Variants in MBTD1 observed in about 807,000 individuals in gnomAD.
The protein encoded by MBTD1 is mbt domain containing 1.
In MBTD1, 24 loss-of-function variants were observed where a neutral mutation model predicts 87.8. The observed-to-expected ratio is 0.27, with a 90% CI of 0.20 to 0.38. The LOEUF is 0.38. Ranked by LOEUF, MBTD1 falls within the 10% of genes least tolerant of loss-of-function variation. The pLI is 1.00. For synonymous variants in MBTD1, 237 were observed against 248.6 expected, an observed-to-expected ratio of 0.95 and a Z score of 0.44; for missense variants, 436 against 760.2, an observed-to-expected ratio of 0.57 and a Z score of 5.02.
Position 51,203,229 on chromosome 17 carries a change from C to A in MBTD1, c.740-1G>T. 6.8e-7 allele frequency: 1 copy of A among 1,467,650 alleles called. No individual in the cohort carries two copies. 90.9% of individuals were successfully genotyped at this position (1,467,650 alleles called of 1,614,324 possible). A position where few individuals can be genotyped will look rare whatever the true frequency, so the allele number is the denominator to read the frequency against. On this transcript the variant is annotated splice_acceptor_variant, in intron 8 of 16. Transcript: ENST00000586178. LOFTEE classifies it high-confidence loss of function. ...CAGTTTGTATATTTATGCTGAATAG[C>A]TAAAATAGAAGAAATAATCAGTTAT... is the stretch of plus-strand genomic sequence containing the variant.
intron 11 of MBTD1, 135 bp downstream of exon 11, chr17:51,201,887 A>T (rs2051513476): frequency 7.0e-6 from 5 of 709,352 alleles, no homozygotes; most frequent in South Asian, 6.6e-5. Context: ...AAGAGTTGTG[A>T]CACCTATGAA....
Position 51,192,962 on chromosome 17 carries a change from T to C in MBTD1, c.1510A>G (p.Met504Val). 2.5e-6 allele frequency: 4 copies of C among 1,614,018 alleles called. No individual in the cohort carries two copies. Among genetic ancestry groups the C allele is most frequent in the Non-Finnish European group, 3.4e-6 (4 of 1,179,898 alleles). The change falls in exon 15 of 17, where the codon ATG becomes GTG. Residue 504 changes from methionine to valine, a missense_variant. Coordinates refer to ENST00000586178, the MANE Select transcript of MBTD1 (RefSeq NM_017643.3). ...GCTACACATATTAAACGTGGCTCCA[T>C]GAGATCTACTGCTTCTAATTTCATT... ...VGMKLEAVDL[M>V]EPRLICVATV...
chr17:51,222,392 GTTT>G (rs1005015450), intron 3 of MBTD1, among the ~76,000 whole-genome samples: 4 of 151,566 alleles, frequency 2.6e-5, no homozygotes, highest in African/African-American at 9.8e-5. Flanking sequence ...GACACGGGTA[GTTT>G]TTTTGTTTTG....
intron 6 of MBTD1, among the ~76,000 whole-genome samples, 194 bp from the exon 7 acceptor site, chr17:51,207,199 A>G: frequency 6.6e-6 from 1 of 152,228 alleles, no homozygotes. Flanking sequence ...ATTCACATAT[A>G]TTAGACTAGA....
Position 51,179,490 on chromosome 17 carries a change from A to ATATATATATATATATTTT in MBTD1, c.*1085_*1086insAAAATATATATATATATA, listed in dbSNP as rs1568135584. On this transcript the variant is annotated 3_prime_UTR_variant, in exon 17 of 17. Transcript: ENST00000586178. The stretch of plus-strand genomic sequence containing the variant: ...AATACAATTAAAGACAATTTTATAT[A>ATATATATATATATATTTT]TATATATATATATATATATATATAT... 7.2e-4 allele frequency: 17 copies of ATATATATATATATATTTT among 23,532 alleles called. 1 individual carries two copies. Among genetic ancestry groups the ATATATATATATATATTTT allele is most frequent in the Non-Finnish European group, 1.4e-3 (16 of 11,150 alleles). 1.5% of individuals were successfully genotyped at this position (23,532 alleles called of 1,614,324 possible).
chr17:51,235,561 A>C (rs917086487), intron 2 of MBTD1, among the ~76,000 whole-genome samples: 2 of 152,220 alleles, frequency 1.3e-5, no homozygotes, highest in Non-Finnish European at 2.9e-5. Flanking sequence ...AAAATCAATA[A>C]ATTCACCGCA....
intron 2 of MBTD1, among the ~76,000 whole-genome samples, chr17:51,234,349 C>T (rs1568217604): frequency 6.8e-6 from 1 of 146,088 alleles, no homozygotes; most frequent in Non-Finnish European, 1.5e-5. Flanking sequence ...GCTGAGATTG[C>T]ACCACTGCAC....
At chr17:51,246,144 G>C (rs75848372) in intron 2 of MBTD1, among the ~76,000 whole-genome samples, 2,774 of 152,244 alleles carry the variant, frequency 0.018, 102 homozygotes, top group African/African-American at 0.063. Context: ...TTCAGATTTT[G>C]GAATATGTGC....
intron 2 of MBTD1, among the ~76,000 whole-genome samples, chr17:51,231,317 A>G (rs1429671349): frequency 6.6e-6 from 1 of 152,158 alleles, no homozygotes; most frequent in Non-Finnish European, 1.5e-5. Flanking sequence ...ATGTAAGATT[A>G]TTGACCCTTA....
intron 16 of MBTD1, among the ~76,000 whole-genome samples, chr17:51,187,869 A>AG (rs565958953): frequency 6.6e-5 from 10 of 151,388 alleles, no homozygotes; most frequent in East Asian, 3.9e-4. Context: ...AAAGAAAGAA[A>AG]AAAAAAAAAA....
intron 15 of MBTD1, 105 bp from the exon 16 acceptor site, chr17:51,192,385 T>C: frequency 1.3e-6 from 1 of 778,036 alleles, no homozygotes; most frequent in South Asian, 1.7e-5. Context: ...AAGACCATTA[T>C]ACTTAAGTAC....
chr17:51,221,900 A>G (rs2052918508), intron 3 of MBTD1, among the ~76,000 whole-genome samples: 1 of 152,248 alleles, frequency 6.6e-6, no homozygotes, highest in African/African-American at 2.4e-5. Flanking sequence ...ACCAGGGGAC[A>G]ACTGTACTTA....
chr17:51,259,987 G>C lies in MBTD1; in HGVS notation c.-265C>G, dbSNP rs1463848360. ...CCCCGGCTGGGCCCAGACCGGTGGCGGGTGCAGCAGCCCCCGGATTTCCCC... is the reference window on the plus strand; with the variant it reads ...CCCCGGCTGGGCCCAGACCGGTGGCCGGTGCAGCAGCCCCCGGATTTCCCC... On this transcript the variant is annotated 5_prime_UTR_variant, in exon 1 of 17. Coordinates refer to ENST00000586178, the MANE Select transcript of MBTD1 (RefSeq NM_017643.3). 2 of 687,220 alleles carry C rather than the reference G, an allele frequency of 2.9e-6. No homozygotes were observed. The highest frequency in any genetic ancestry group is 3.7e-5 in the African/African-American group (2 of 53,914). The allele number at this position is 687,220 out of a possible 1,614,324, so 42.6% of individuals were successfully genotyped here.
At chr17:51,203,749 C>G (rs755044469) in intron 8 of MBTD1, 42 bp downstream of exon 8, 1 of 1,573,392 alleles carries the variant, frequency 6.4e-7, no homozygotes, top group South Asian at 1.2e-5. Flanking sequence ...CATTAAAGTA[C>G]ACATATAAAA....
intron 16 of MBTD1, among the ~76,000 whole-genome samples, chr17:51,189,617 C>G (rs570711563): frequency 6.6e-6 from 1 of 152,314 alleles, no homozygotes; most frequent in Admixed American, 6.5e-5. Context: ...CTACATAAAA[C>G]TCACAGATAA....
In MBTD1 at chr17:51,180,551, A is replaced by C; in HGVS notation, c.*25T>G. 1 of 1,270,168 alleles carries C rather than the reference A, an allele frequency of 7.9e-7. No homozygotes were observed. The highest frequency in any genetic ancestry group is 2.5e-5 in the East Asian group (1 of 39,644). The allele number at this position is 1,270,168 out of a possible 1,614,324, so 78.7% of individuals were successfully genotyped here. Reference sequence around the variant, plus strand: ...TCAGTCCTGTGTAAAATCCTTCCCCACCCGCCCTCAGTTTCTAAGCCACCT... The same window carrying C: ...TCAGTCCTGTGTAAAATCCTTCCCCCCCCGCCCTCAGTTTCTAAGCCACCT... On this transcript the variant is annotated 3_prime_UTR_variant, in exon 17 of 17. Transcript: ENST00000586178.
At chr17:51,235,874 G>A (rs937988077) in intron 2 of MBTD1, among the ~76,000 whole-genome samples, 1 of 152,130 alleles carries the variant, frequency 6.6e-6, no homozygotes, top group African/African-American at 2.4e-5. Flanking sequence ...ACAAAGTTAA[G>A]ACTAAAGCTT....
chr17:51,249,814 T>C (rs1339703907), intron 2 of MBTD1: 3 of 152,210 alleles, frequency 2.0e-5, no homozygotes, highest in Non-Finnish European at 4.4e-5. Flanking sequence ...CCTAATCTTT[T>C]CTATTTGGTC....
chr17:51,183,968 G>A (rs909964309), intron 16 of MBTD1: 2 of 152,166 alleles, frequency 1.3e-5, no homozygotes, highest in African/African-American at 4.8e-5. Flanking sequence ...TCAAACGGAT[G>A]TTTTTTAAAA....
Sources: gnomAD v4.1 joint callset for allele counts (sites outside exome capture counted in the v4.1 genomes callset) on GRCh38, gnomAD v4.1.1 for gene constraint, MANE v1.5 for transcripts, NCBI Gene and HGNC (gene_info 2026-07-23, HGNC 2026-07-21) for gene names.